Variants in METAP1 observed in about 807,000 individuals in gnomAD.
METAP1 encodes methionyl aminopeptidase 1, also known as methionine aminopeptidase 1.
Under a neutral mutation model 53.8 loss-of-function variants are expected in METAP1, and 28 were observed. The ratio of observed to expected loss-of-function variants is 0.52; its 90% confidence interval spans 0.39 to 0.71. METAP1 has a LOEUF of 0.71. Among genes scored for constraint, METAP1 ranks in the 30% least tolerant of loss-of-function variants. The probability of loss-of-function intolerance (pLI) is 0.00; values close to 1 mark genes in which losing one functional copy is unlikely to be tolerated. For missense variants in METAP1, 389 were observed against 479.8 expected (o/e 0.81, Z 1.77); for synonymous variants, 181 against 165.7 (o/e 1.09, Z -0.71).
intron 1 of METAP1, among the ~76,000 whole-genome samples, chr4:99,014,893 C>A (rs114849722): frequency 6.6e-6 from 1 of 152,188 alleles, no homozygotes; most frequent in African/African-American, 2.4e-5. Flanking sequence ...GAGTTCTCCT[C>A]CTGCTGTGAG....
intron 1 of METAP1, among the ~76,000 whole-genome samples, chr4:99,009,521 A>C (rs1723367984): frequency 6.6e-6 from 1 of 151,988 alleles, no homozygotes. Flanking sequence ...ATCCCCACCA[A>C]CATTTGTTCT....
intron 2 of METAP1, 33 bp from the exon 3 acceptor site, chr4:99,034,197 C>T: frequency 1.6e-6 from 2 of 1,281,594 alleles, no homozygotes; most frequent in Non-Finnish European, 2.2e-6. Flanking sequence ...TCCTTCTCCT[C>T]CTTCCTCTCA....
intron 9 of METAP1, among the ~76,000 whole-genome samples, chr4:99,055,843 A>G (rs1224091668): frequency 1.3e-5 from 2 of 152,254 alleles, no homozygotes; most frequent in Non-Finnish European, 1.5e-5. Flanking sequence ...GGTTTCTCCA[A>G]GGAAATACAG....
chr4:99,050,158 A>C (rs996136387), intron 9 of METAP1, among the ~76,000 whole-genome samples: 3 of 152,166 alleles, frequency 2.0e-5, no homozygotes, highest in Non-Finnish European at 4.4e-5. Flanking sequence ...AGAAAAAGCC[A>C]GTTGGTGGGT....
intron 5 of METAP1, among the ~76,000 whole-genome samples, chr4:99,040,288 T>C (rs1416072833): frequency 6.6e-6 from 1 of 152,228 alleles, no homozygotes; most frequent in Non-Finnish European, 1.5e-5. Flanking sequence ...TGGTTGGTAC[T>C]CATTAGGTGA....
chr4:99,036,261 C>T (rs918756863), intron 4 of METAP1, among the ~76,000 whole-genome samples: 3 of 152,096 alleles, frequency 2.0e-5, no homozygotes, highest in Non-Finnish European at 4.4e-5. Context: ...AACTGTATTA[C>T]ATAACATTCT....
chr4:98,999,964 TTGTG>T (rs1371276727), intron 1 of METAP1, among the ~76,000 whole-genome samples: 1 of 152,194 alleles, frequency 6.6e-6, no homozygotes, highest in Non-Finnish European at 1.5e-5. Context: ...TCTTTTTCAT[TTGTG>T]TGTAAGAATT....
intron 9 of METAP1, among the ~76,000 whole-genome samples, chr4:99,051,345 A>C (rs1191048100): frequency 6.6e-6 from 1 of 152,186 alleles, no homozygotes; most frequent in Admixed American, 6.5e-5. Context: ...TTGATTAGAC[A>C]TAAGAAACAA....
intron 1 of METAP1, among the ~76,000 whole-genome samples, chr4:98,996,471 T>G (rs1209559619): frequency 6.6e-6 from 1 of 152,240 alleles, no homozygotes; most frequent in Non-Finnish European, 1.5e-5. Flanking sequence ...CTTTGACACT[T>G]AAGCAACTTT....
chr4:99,050,290 T>G lies in METAP1; in HGVS notation c.931+1414T>G, dbSNP rs891964558. ...TGCCAGACTGAAGGAATTTGACTTG[T>G]ATGTCGGAATCTTCAGAAATATTTT... On this transcript the variant is annotated intron_variant, in intron 9 of 10. Transcript: ENST00000296411. 2.6e-5 allele frequency among the ~76,000 whole-genome samples: 4 copies of G among 152,220 alleles called. No individual in the cohort carries two copies. The East Asian group carries it at 7.7e-4, about 29-fold the overall frequency.
intron 8 of METAP1, among the ~76,000 whole-genome samples, chr4:99,047,051 C>T (rs1446724106): frequency 6.6e-6 from 1 of 151,148 alleles, no homozygotes; most frequent in Non-Finnish European, 1.5e-5. Context: ...CAGGAAGGAA[C>T]GAAAGTGGCT....
At chr4:99,018,145 T>A (rs908448326) in intron 1 of METAP1, among the ~76,000 whole-genome samples, 1 of 152,218 alleles carries the variant, frequency 6.6e-6, no homozygotes, top group African/African-American at 2.4e-5. Flanking sequence ...ATCCCAGAAA[T>A]AAGTTCCTGT....
At chr4:99,022,856 G>T (rs1039356517) in intron 1 of METAP1, 1 of 1,551,018 alleles carries the variant, frequency 6.4e-7, no homozygotes, top group Non-Finnish European at 8.7e-7. Context: ...TCCCTCCCAC[G>T]GCTGCTGCTG....
At chr4:99,051,429 C>T (rs866877672) in intron 9 of METAP1, among the ~76,000 whole-genome samples, 1 of 151,666 alleles carries the variant, frequency 6.6e-6, no homozygotes, top group Non-Finnish European at 1.5e-5. Context: ...CTCGCTGTGT[C>T]GCCTAGGCTA....
chr4:99,025,339 A>T, intron 1 of METAP1: 1 of 974,680 alleles, frequency 1.0e-6, no homozygotes, highest in Non-Finnish European at 1.2e-6. Flanking sequence ...TCACTGTTTG[A>T]GTTATAATTT....
At chr4:99,033,523 G>A (rs545463732) in intron 2 of METAP1, among the ~76,000 whole-genome samples, 1 of 152,194 alleles carries the variant, frequency 6.6e-6, no homozygotes, top group Admixed American at 6.5e-5. Flanking sequence ...GAATTCTTGC[G>A]TATATTTCAG....
At chr4:99,002,367 T>G (rs576247255) in intron 1 of METAP1, among the ~76,000 whole-genome samples, 1 of 152,344 alleles carries the variant, frequency 6.6e-6, no homozygotes, top group Admixed American at 6.5e-5. Flanking sequence ...TAATGGAATA[T>G]AAATGTAATT....
Position 99,061,157 on chromosome 4 carries a change from G to T in METAP1, c.1001G>T (p.Gly334Val), listed in dbSNP as rs1353056795. The T allele has an allele frequency of 6.2e-7, 1 of 1,611,592 alleles. No homozygotes were observed. The highest frequency in any genetic ancestry group is 8.5e-7 in the Non-Finnish European group (1 of 1,178,920). Residue 334 changes from glycine (G) to valine (V), a missense_variant, in exon 11 of 11, where the codon GGA (glycine) becomes GTA (valine). Physicochemically the swap from Gly to Val is moderately radical, Grantham distance 109. Coordinates refer to ENST00000296411, the MANE Select transcript of METAP1 (RefSeq NM_015143.3). The stretch of plus-strand genomic sequence containing the variant: ...AAATTGTTTTTGTTTGTTGAAGGCG[G>T]ATGGCAGGATGAAACCTGGCCAGAT... ...FTIEPMICEG[G>V]WQDETWPDGW... is the part of the protein sequence containing the mutation.
intron 1 of METAP1, among the ~76,000 whole-genome samples, chr4:99,007,178 C>G (rs369395504): frequency 1.2e-4 from 18 of 151,988 alleles, no homozygotes; most frequent in Non-Finnish European, 2.1e-4. Context: ...GCTGCTGTCT[C>G]ACTCCTGGGC....
Sources: allele counts gnomAD v4.1 joint callset (sites outside exome capture counted in the v4.1 genomes callset), GRCh38; gene constraint gnomAD v4.1.1; transcripts MANE v1.5; gene names NCBI Gene and HGNC (gene_info 2026-07-23, HGNC 2026-07-21).